The following MAN1C1 variants were observed in gnomAD, a reference collection of about 807,000 sequenced individuals.
MAN1C1 encodes the protein mannosyl-oligosaccharide 1,2-alpha-mannosidase IC.
MAN1C1 carries 49 observed loss-of-function variants against 71.5 expected under a neutral mutation model. The ratio of observed to expected loss-of-function variants is 0.69; its 90% CI spans 0.54 to 0.87. The LOEUF is 0.87. Among genes scored for constraint, MAN1C1 ranks in the 40% least tolerant of loss-of-function variants. The pLI, the probability that MAN1C1 is intolerant of heterozygous loss-of-function variation, is 0.00. For missense variants in MAN1C1, 743 were observed against 835.0 expected (o/e 0.89, Z 1.36); for synonymous variants, 352 against 343.7 (o/e 1.02, Z -0.27).
chr1:25,750,919 A>C (rs548844112), intron 4 of MAN1C1, among the ~76,000 whole-genome samples: 2 of 152,296 alleles, frequency 1.3e-5, no homozygotes, highest in South Asian at 4.1e-4. Context: ...GGGGTGAGCA[A>C]TTCAGGAAAG....
intron 2 of MAN1C1, among the ~76,000 whole-genome samples, chr1:25,729,004 A>G (rs1218981740): frequency 6.6e-6 from 1 of 152,212 alleles, no homozygotes; most frequent in East Asian, 1.9e-4. Context: ...ATGCTGTTCC[A>G]GCCTTCTCGG....
chr1:25,726,079 C>T lies in MAN1C1; in HGVS notation c.638-20589C>T, dbSNP rs148219934. ...ATGGGGGACTCTCTTAACACTGCTC[C>T]GACTGTAGCCCCTCTCCTGCAAGTC... is the stretch of plus-strand genomic sequence containing the variant. On this transcript the variant is annotated intron_variant, in intron 2 of 11. Transcript: ENST00000374332. 2.4e-3 allele frequency among the ~76,000 whole-genome samples: 363 copies of T among 152,352 alleles called. 1 individual carries two copies. Among genetic ancestry groups the T allele is most frequent in the African/African-American group, 8.4e-3 (348 of 41,584 alleles).
intron 2 of MAN1C1, among the ~76,000 whole-genome samples, chr1:25,737,871 C>G (rs2047004439): frequency 6.6e-6 from 1 of 152,114 alleles, no homozygotes; most frequent in Non-Finnish European, 1.5e-5. Flanking sequence ...GCAGGCACGC[C>G]AGGGAGTCTG....
intron 1 of MAN1C1, among the ~76,000 whole-genome samples, chr1:25,647,755 G>A (rs771752049): frequency 6.6e-6 from 1 of 152,194 alleles, no homozygotes; most frequent in Non-Finnish European, 1.5e-5. Flanking sequence ...GGGGAAGAGC[G>A]ATGGGGGAAT....
chr1:25,774,725 G>A (rs974408546), intron 8 of MAN1C1, among the ~76,000 whole-genome samples: 1 of 152,196 alleles, frequency 6.6e-6, no homozygotes, highest in Non-Finnish European at 1.5e-5. Context: ...AAATCGCAGA[G>A]CTGAGATTCA....
intron 8 of MAN1C1, chr1:25,777,712 T>C (rs1356969114): frequency 5.5e-6 from 1 of 181,136 alleles, no homozygotes; most frequent in Non-Finnish European, 1.1e-5. Context: ...CAGAAAGTGT[T>C]GGGTACAGTT....
intron 2 of MAN1C1, among the ~76,000 whole-genome samples, chr1:25,689,216 GAGC>G (rs1459286418): frequency 6.6e-6 from 1 of 152,136 alleles, no homozygotes; most frequent in African/African-American, 2.4e-5. Context: ...ACCCTTCCTG[GAGC>G]CTCTTGGGGG....
chr1:25,686,761 T>C (rs2744778), intron 2 of MAN1C1, among the ~76,000 whole-genome samples: 12,256 of 152,158 alleles, frequency 0.081, 701 homozygotes, highest in African/African-American at 0.16. Flanking sequence ...AGAGACTGCT[T>C]TGTATGAAAT....
rs372321558 is a variant in MAN1C1 at position 25,740,422 on chromosome 1, G to T, written c.638-6246G>T. Among the ~76,000 whole-genome samples, 457 of 150,244 alleles carry T rather than the reference G, an allele frequency of 3.0e-3. 3 individuals carry two copies. Among genetic ancestry groups the T allele is most frequent in the African/African-American group, 0.01 (409 of 39,904 alleles). ...GTGGCATGATATGACTTGAATTTTT[G>T]TTGTTGTTGTTGTTGTTGTTGTCGT... On this transcript the variant is annotated intron_variant, in intron 2 of 11. Coordinates refer to ENST00000374332, the MANE Select transcript of MAN1C1 (RefSeq NM_020379.4).
chr1:25,755,233 G>A (rs1215755280), intron 5 of MAN1C1, among the ~76,000 whole-genome samples: 1 of 152,208 alleles, frequency 6.6e-6, no homozygotes, highest in Admixed American at 6.5e-5. Flanking sequence ...GACCGGCCTG[G>A]GAGACTGAGG....
At chr1:25,736,579 T>G (rs773370964) in intron 2 of MAN1C1, among the ~76,000 whole-genome samples, 19 of 152,170 alleles carry the variant, frequency 1.2e-4, no homozygotes, top group Non-Finnish European at 1.8e-4. Context: ...CAGGCTGGAG[T>G]GCAGTGGCGC....
In MAN1C1 at chr1:25,782,801, G is replaced by A. The variant is rs972561707; in HGVS notation, c.1766+101G>A. 9 of 908,052 alleles carry A rather than the reference G, an allele frequency of 9.9e-6. No homozygotes were observed. The highest frequency in any genetic ancestry group is 2.5e-5 in the East Asian group (1 of 39,532). 56.2% of individuals were successfully genotyped at this position (908,052 alleles called of 1,614,324 possible). On this transcript the variant is annotated intron_variant, in intron 11 of 11. Transcript: ENST00000374332. This position sits in a 1 kb window ranked among gnomAD's most constrained non-coding sequence, Gnocchi z 4.4. ...CAGTCAGGTTCTGTGGTCACAGGAC[G>A]GGAGCCCAAAAGGGGTGAAGGGCTT...
At chr1:25,655,622 A>G (rs1251459949) in intron 1 of MAN1C1, among the ~76,000 whole-genome samples, 1 of 151,160 alleles carries the variant, frequency 6.6e-6, no homozygotes, top group Non-Finnish European at 1.5e-5. Context: ...TAGAAGGCAG[A>G]CTCTTCCTCC....
At chr1:25,644,134 G>A (rs928478317) in intron 1 of MAN1C1, among the ~76,000 whole-genome samples, 1 of 152,166 alleles carries the variant, frequency 6.6e-6, no homozygotes, top group African/African-American at 2.4e-5. Context: ...AAAGGTGTGA[G>A]CAAAGGGCTG....
At chr1:25,758,571 G>T (rs768859063) in intron 5 of MAN1C1, 21 bp from the exon 6 acceptor site, 2 of 1,612,140 alleles carry the variant, frequency 1.2e-6, no homozygotes, top group Admixed American at 1.7e-5. Flanking sequence ...GGGATGACGG[G>T]GGCTGCTTCT....
At chr1:25,644,264 G>C (rs1448007557) in intron 1 of MAN1C1, among the ~76,000 whole-genome samples, 2 of 152,006 alleles carry the variant, frequency 1.3e-5, no homozygotes. Context: ...CGTGTACTGA[G>C]TCGTGGGAGG....
rs1238743514 is a variant in MAN1C1, at chr1:25,698,399, C to T, written c.637+11863C>T. On this transcript the variant is annotated intron_variant, in intron 2 of 11. Coordinates refer to ENST00000374332, the MANE Select transcript of MAN1C1 (RefSeq NM_020379.4). ...CCTGTAGAATGGGGATGATAATGCCCTCTTACAGGATTGGTGTTGGGATCT... is the reference window on the plus strand; with the variant it reads ...CCTGTAGAATGGGGATGATAATGCCTTCTTACAGGATTGGTGTTGGGATCT... 2.6e-5 allele frequency among the ~76,000 whole-genome samples: 4 copies of T among 152,170 alleles called. No homozygotes were observed. In the East Asian group the frequency reaches 5.8e-4, roughly 22 times the overall value.
rs1189492888 is a variant in MAN1C1, at chr1:25,725,334, T to C, written c.638-21334T>C. Among the ~76,000 whole-genome samples the C allele has an allele frequency of 1.3e-5, 2 of 152,186 alleles. No homozygotes were observed. The highest frequency in any genetic ancestry group is 1.5e-5 in the Non-Finnish European group (1 of 68,026). ...GAGATGCAAAGGTGCACTGGCCACG[T>C]CCCTTGCCTCGAAAGAGTTCTCTTC... On this transcript the variant is annotated intron_variant, in intron 2 of 11. Coordinates refer to ENST00000374332, the MANE Select transcript of MAN1C1 (RefSeq NM_020379.4). This position sits in a 1 kb window ranked among gnomAD's most constrained non-coding sequence, Gnocchi z 4.8.
intron 4 of MAN1C1, among the ~76,000 whole-genome samples, chr1:25,752,106 C>T (rs576518546): frequency 2.6e-5 from 4 of 152,240 alleles, no homozygotes; most frequent in South Asian, 2.1e-4. Context: ...CCAGTCCTAC[C>T]GAGAGCCAGT....
Sources: gnomAD v4.1 joint callset for allele counts (sites outside exome capture counted in the v4.1 genomes callset) on GRCh38, gnomAD v4.1.1 for gene constraint, Gnocchi (gnomAD v3.1) non-coding constraint, MANE v1.5 for transcripts, NCBI Gene and HGNC (gene_info 2026-07-23, HGNC 2026-07-21) for gene names.